Variants in HPSE2 observed in about 807,000 individuals in gnomAD.
HPSE2 encodes the protein heparanase 2 (inactive).
HPSE2 carries 38 observed loss-of-function variants against 60.5 expected under a neutral mutation model. The observed-to-expected ratio is 0.63, with a 90% CI of 0.48 to 0.82. HPSE2 has a LOEUF of 0.82. Ranked by LOEUF, HPSE2 falls within the 40% of genes least tolerant of loss-of-function variation. The pLI, the probability that HPSE2 is intolerant of heterozygous loss-of-function variation, is 0.00. For missense variants in HPSE2, 713 were observed against 740.4 expected, an observed-to-expected ratio of 0.96 and a Z score of 0.43; for synonymous variants, 295 against 293.2, an observed-to-expected ratio of 1.01 and a Z score of -0.06.
chr10:99,302,467 A>G, the HPSE2 span, among the ~76,000 whole-genome samples: 31 of 152,272 alleles, frequency 2.0e-4, no homozygotes, highest in Non-Finnish European at 3.5e-4. Flanking sequence ...TCTGGCTGAC[A>G]GAGCAGCTAA....
chr10:98,937,469 G>A (rs1954838721), intron 3 of HPSE2, among the ~76,000 whole-genome samples: 1 of 144,378 alleles, frequency 6.9e-6, no homozygotes, highest in Admixed American at 6.9e-5. Flanking sequence ...TACGCCCACG[G>A]AGTCTCGCTG....
chr10:98,938,411 A>T (rs760118761), intron 3 of HPSE2, among the ~76,000 whole-genome samples: 1 of 144,636 alleles, frequency 6.9e-6, no homozygotes, highest in Non-Finnish European at 1.5e-5. Flanking sequence ...GATGGAGCTG[A>T]AAGCCAAGGC....
At chr10:98,736,857 T>A (rs1949370289) in intron 4 of HPSE2, among the ~76,000 whole-genome samples, 2 of 152,340 alleles carry the variant, frequency 1.3e-5, no homozygotes, top group East Asian at 3.9e-4. Context: ...CAAGGATTCC[T>A]CCAACTCCCA....
intron 6 of HPSE2, among the ~76,000 whole-genome samples, chr10:98,680,912 C>T (rs922094744): frequency 4.6e-5 from 7 of 151,840 alleles, no homozygotes; most frequent in Non-Finnish European, 7.4e-5. Context: ...CATGCCACCA[C>T]GCCCAGCTAT....
chr10:98,464,034 TTGAATCCGGGATGCAGAGGTTGCAG>T (rs1940420889), intron 11 of HPSE2, among the ~76,000 whole-genome samples: 1 of 152,024 alleles, frequency 6.6e-6, no homozygotes, highest in African/African-American at 2.4e-5. Context: ...GAAGAATTGC[TTGAATCCGGGATGCAGAGGTTGCAG>T]TGAGCCAGAC....
At position 99,192,064 on chromosome 10, in the gene HPSE2, G is replaced by T. The variant is rs1050177565; in HGVS notation, c.448+40284C>A. ...TTGAACATACATAGAGGAGACAAAA[G>T]AAAAAAGAATTTTTTAAAATGAAAC... On this transcript the variant is annotated intron_variant, in intron 2 of 11. Transcript: ENST00000370552. Among the ~76,000 whole-genome samples, 11 of 151,972 alleles carry T rather than the reference G, an allele frequency of 7.2e-5. No individual in the cohort carries two copies. The East Asian group carries it at 2.1e-3, about 29-fold the overall frequency.
chr10:98,514,262 G>C (rs1475773250), intron 9 of HPSE2, among the ~76,000 whole-genome samples: 1 of 152,130 alleles, frequency 6.6e-6, no homozygotes, highest in Non-Finnish European at 1.5e-5. Context: ...ACCAAAGGTG[G>C]AAGGGGGAGG....
intron 2 of HPSE2, among the ~76,000 whole-genome samples, chr10:99,187,774 A>C (rs1462474666): frequency 6.6e-6 from 1 of 152,230 alleles, no homozygotes; most frequent in African/African-American, 2.4e-5. Context: ...TTTAACTTTC[A>C]CACATTGCTG....
chr10:99,045,158 A>T (rs1157359716), intron 3 of HPSE2, among the ~76,000 whole-genome samples: 1 of 152,196 alleles, frequency 6.6e-6, no homozygotes, highest in Non-Finnish European at 1.5e-5. Flanking sequence ...AAATAATATC[A>T]ACCATACTCT....
intron 3 of HPSE2, among the ~76,000 whole-genome samples, chr10:98,859,509 TA>T (rs1429331955): frequency 6.6e-6 from 1 of 152,148 alleles, no homozygotes; most frequent in Non-Finnish European, 1.5e-5. Context: ...CCAAATAGTA[TA>T]AAAAGTGGAG....
intron 9 of HPSE2, among the ~76,000 whole-genome samples, chr10:98,610,376 A>C (rs1945720042): frequency 6.6e-6 from 1 of 152,178 alleles, no homozygotes; most frequent in Admixed American, 6.5e-5. Flanking sequence ...TAAGAGTTAG[A>C]GTTTCCTTCT....
At chr10:99,217,361 CG>C (rs1339327954) in intron 2 of HPSE2, among the ~76,000 whole-genome samples, 2 of 151,710 alleles carry the variant, frequency 1.3e-5, no homozygotes, top group Non-Finnish European at 2.9e-5. Context: ...GGCATTTTTC[CG>C]TAAGAGCTGG....
At position 99,159,072 on chromosome 10, in the gene HPSE2, TAATC is replaced by T. The variant is rs932670294; in HGVS notation, c.449-14677_449-14674del. ...TAAAAAAGGAACGTTCTCACATCAA[TAATC>T]AATCAATAATCTAAGTTCGCACTTA... is the stretch of plus-strand genomic sequence containing the variant. On this transcript the variant is annotated intron_variant, in intron 2 of 11. Coordinates refer to ENST00000370552, the MANE Select transcript of HPSE2 (RefSeq NM_021828.5). 1.8e-3 allele frequency among the ~76,000 whole-genome samples: 274 copies of T among 151,922 alleles called. 1 individual carries two copies. Among genetic ancestry groups the T allele is most frequent in the Non-Finnish European group, 3.5e-3 (237 of 67,956 alleles).
At chr10:98,528,680 C>G (rs912304146) in intron 9 of HPSE2, among the ~76,000 whole-genome samples, 1 of 152,162 alleles carries the variant, frequency 6.6e-6, no homozygotes, top group Non-Finnish European at 1.5e-5. Context: ...GGGACCAAAT[C>G]CCTCTGAGTT....
chr10:98,858,611 T>C (rs1952375759), intron 3 of HPSE2, among the ~76,000 whole-genome samples: 1 of 152,166 alleles, frequency 6.6e-6, no homozygotes, highest in East Asian at 1.9e-4. Context: ...TCTGTGGAAT[T>C]GTGTGAAGGG....
intron 3 of HPSE2, among the ~76,000 whole-genome samples, chr10:98,973,683 C>A (rs1054867480): frequency 6.6e-6 from 1 of 152,100 alleles, no homozygotes; most frequent in Non-Finnish European, 1.5e-5. Context: ...GTTTACCCTA[C>A]CAAATGTGAT....
chr10:98,970,360 C>T (rs1280994954), intron 3 of HPSE2, among the ~76,000 whole-genome samples: 1 of 152,116 alleles, frequency 6.6e-6, no homozygotes, highest in Non-Finnish European at 1.5e-5. Flanking sequence ...AGGGATCTGT[C>T]CCCATGATCC....
the HPSE2 span, among the ~76,000 whole-genome samples, chr10:99,299,885 G>A: frequency 2.0e-5 from 3 of 152,046 alleles, no homozygotes; most frequent in Non-Finnish European, 1.5e-5. Context: ...GAGCTCTCCT[G>A]GGTGTGCATT....
the HPSE2 span, among the ~76,000 whole-genome samples, chr10:99,305,543 CAAAG>C: frequency 5.3e-5 from 8 of 152,064 alleles, no homozygotes; most frequent in Non-Finnish European, 1.2e-4. Context: ...AAGGAAAAAA[CAAAG>C]GAAGGAAGGG....
Sources: allele counts gnomAD v4.1 joint callset (sites outside exome capture counted in the v4.1 genomes callset), GRCh38; gene constraint gnomAD v4.1.1; transcripts MANE v1.5; gene names NCBI Gene and HGNC (gene_info 2026-07-23, HGNC 2026-07-21).